LY75: variants seen among roughly 807,000 people sequenced by gnomAD.
The protein encoded by LY75 is lymphocyte antigen 75.
LY75 carries 185 observed loss-of-function variants against 231.7 expected under a neutral mutation model. The ratio of observed to expected loss-of-function variants is 0.80; its 90% CI spans 0.71 to 0.90. The LOEUF (loss-of-function observed/expected upper bound fraction) is 0.90, where lower values mean the gene tolerates loss of function less well. LY75 is among the 40% of genes least tolerant of loss of function. The pLI is 0.00. For synonymous variants in LY75, 668 were observed against 689.0 expected (o/e 0.97, Z 0.48); for missense variants, 1,947 against 2,050.2 (o/e 0.95, Z 0.97).
intron 29 of LY75, 22 bp downstream of exon 29, chr2:159,819,704 C>T (rs2125833085): frequency 1.3e-6 from 2 of 1,576,526 alleles, no homozygotes. Context: ...TGAAAGAAAA[C>T]TCTATATTTT....
chr2:159,826,534 A>G (rs1196031265), intron 28 of LY75, among the ~76,000 whole-genome samples: 2 of 152,204 alleles, frequency 1.3e-5, no homozygotes, highest in African/African-American at 4.8e-5. Context: ...ATACTGCCCA[A>G]AGTAATTTAT....
rs778720632 is a variant in LY75 at position 159,835,499 on chromosome 2, A to C, written c.3654T>G (p.Ala1218=). 6.2e-7 allele frequency: 1 copy of C among 1,606,070 alleles called. No homozygotes were observed. The highest frequency in any genetic ancestry group is 1.1e-5 in the South Asian group (1 of 88,498). Reference sequence around the variant, plus strand: ...ACATACTTCCTGAATAGTAGCAAATAGCACCTGGTTGATTGTCATTGCAAT... The same window carrying C: ...ACATACTTCCTGAATAGTAGCAAATCGCACCTGGTTGATTGTCATTGCAAT... The part of the protein sequence containing the change: ...TVDCNDNQPG[A]ICYYSGNETE... Residue 1218 remains alanine, a synonymous_variant, in exon 26 of 35, where the codon GCT becomes GCG. Transcript: ENST00000263636.
At chr2:159,809,834 C>T (rs1367164667) in intron 32 of LY75, among the ~76,000 whole-genome samples, 3 of 151,628 alleles carry the variant, frequency 2.0e-5, no homozygotes, top group Non-Finnish European at 2.9e-5. Context: ...CACGCCACCA[C>T]GCCCAGCTAA....
At chr2:159,842,046 G>A (rs150085164) in intron 24 of LY75, among the ~76,000 whole-genome samples, 199 bp downstream of exon 24, 6,532 of 151,388 alleles carry the variant, frequency 0.043, 419 homozygotes, top group African/African-American at 0.14. Flanking sequence ...AAATTTTTTC[G>A]GCTTTTATTT....
At chr2:159,806,020 T>C (rs1188675357) in intron 34 of LY75, among the ~76,000 whole-genome samples, 2 of 152,230 alleles carry the variant, frequency 1.3e-5, no homozygotes, top group Non-Finnish European at 2.9e-5. Context: ...CTGTCTGTTA[T>C]GCCCTTTCCC....
chr2:159,890,057 G>T (rs1038385358), intron 4 of LY75, among the ~76,000 whole-genome samples, 156 bp downstream of exon 4: 1 of 152,118 alleles, frequency 6.6e-6, no homozygotes, highest in African/African-American at 2.4e-5. Context: ...ATTACATTCA[G>T]TACTTTTTTG....
intron 25 of LY75, among the ~76,000 whole-genome samples, chr2:159,838,349 G>C (rs574422062): frequency 3.9e-4 from 60 of 152,252 alleles, no homozygotes; most frequent in African/African-American, 1.4e-3. Flanking sequence ...AGAACCATAG[G>C]TAAAGGTTGA....
Position 159,878,386 on chromosome 2 carries a change from C to T in LY75, c.1712G>A (p.Trp571Ter). 2 of 1,614,104 alleles carry T rather than the reference C, an allele frequency of 1.2e-6. No homozygotes were observed. The highest frequency in any genetic ancestry group is 2.2e-5 in the East Asian group (1 of 44,876). ...CCGCCTTCTTCCACCAACAGTTGCCCAGTTATACTCTCCACAAGAATCTAC... is the reference window on the plus strand; with the variant it reads ...CCGCCTTCTTCCACCAACAGTTGCCTAGTTATACTCTCCACAAGAATCTAC... ...RDVDSCGEYN[W>*]ATVGGRRRAV... Residue 571 changes from tryptophan (W) to a stop codon, truncating the protein, a stop_gained, in exon 11 of 35, where the codon TGG becomes TAG. Coordinates refer to ENST00000263636, the MANE Select transcript of LY75 (RefSeq NM_002349.4). LOFTEE classifies it high-confidence loss of function.
intron 12 of LY75, among the ~76,000 whole-genome samples, chr2:159,872,982 G>T (rs1046788136): frequency 6.6e-6 from 1 of 152,098 alleles, no homozygotes; most frequent in Non-Finnish European, 1.5e-5. Flanking sequence ...TAGAAATTTC[G>T]AATATAAGAC....
At chr2:159,807,784 T>C in intron 33 of LY75, 1 of 944,434 alleles carries the variant, frequency 1.1e-6, no homozygotes, top group Non-Finnish European at 1.3e-6. Context: ...AAAAACCTTA[T>C]CTTCTGTCAT....
chr2:159,875,063 A>G (rs1178895136), intron 12 of LY75, among the ~76,000 whole-genome samples: 1 of 147,902 alleles, frequency 6.8e-6, no homozygotes, highest in East Asian at 1.9e-4. Context: ...TGTTTGTAAA[A>G]GTGTAAATAT....
At chr2:159,807,202 G>A in intron 33 of LY75, 62 bp from the exon 34 acceptor site, 1 of 1,531,594 alleles carries the variant, frequency 6.5e-7, no homozygotes, top group South Asian at 1.3e-5. Flanking sequence ...TTACAAGCAT[G>A]GGTTCATGTA....
chr2:159,834,231 T>C lies in LY75; in HGVS notation c.3674-20A>G. ...TCTCATCTAGAAAAAGAGTTAATGG[T>C]AAGAATTCTAATTTGAGATATAAAT... On this transcript the variant is annotated intron_variant, in intron 26 of 34. Coordinates refer to ENST00000263636, the MANE Select transcript of LY75 (RefSeq NM_002349.4). 1 of 1,611,712 alleles carries C rather than the reference T, an allele frequency of 6.2e-7. No individual in the cohort carries two copies.
At chr2:159,845,464 AAC>A (rs1427472216) in intron 23 of LY75, among the ~76,000 whole-genome samples, 1 of 151,748 alleles carries the variant, frequency 6.6e-6, no homozygotes, top group Non-Finnish European at 1.5e-5. Flanking sequence ...GTGTGTATAT[AAC>A]ATATCAATAC....
intron 2 of LY75, among the ~76,000 whole-genome samples, chr2:159,895,696 G>A (rs1685891126): frequency 6.6e-6 from 1 of 152,164 alleles, no homozygotes; most frequent in South Asian, 2.1e-4. Flanking sequence ...TGACCTATAA[G>A]GACAACTTGT....
chr2:159,852,375 A>C, intron 20 of LY75, 35 bp from the exon 21 acceptor site: 4 of 1,584,500 alleles, frequency 2.5e-6, no homozygotes, highest in Non-Finnish European at 3.4e-6. Flanking sequence ...CTATGGTGAG[A>C]ATTTTTCAGT....
intron 32 of LY75, among the ~76,000 whole-genome samples, chr2:159,809,467 T>C (rs1221162254): frequency 3.3e-5 from 5 of 152,180 alleles, no homozygotes; most frequent in African/African-American, 7.2e-5. Context: ...GCTAAGCTTA[T>C]GTATTAATAA....
At chr2:159,869,122 G>A (rs1323523340) in intron 13 of LY75, among the ~76,000 whole-genome samples, 1 of 152,066 alleles carries the variant, frequency 6.6e-6, no homozygotes, top group East Asian at 1.9e-4. Context: ...ACACAGGGCG[G>A]GGAACATCAC....
At chr2:159,824,020 C>G (rs1385101635) in intron 28 of LY75, among the ~76,000 whole-genome samples, 2 of 152,212 alleles carry the variant, frequency 1.3e-5, no homozygotes, top group Non-Finnish European at 2.9e-5. Context: ...AACATTCACA[C>G]TATGAAGAAA....
Sources: allele counts gnomAD v4.1 joint callset (sites outside exome capture counted in the v4.1 genomes callset), GRCh38; gene constraint gnomAD v4.1.1; transcripts MANE v1.5; gene names NCBI Gene and HGNC (gene_info 2026-07-23, HGNC 2026-07-21).